RIF1: variants seen among roughly 807,000 people sequenced by gnomAD.
RIF1 encodes the protein telomere-associated protein RIF1.
In RIF1, 45 loss-of-function variants were observed where a neutral mutation model predicts 247.1. The ratio of observed to expected loss-of-function variants is 0.18; its 90% CI spans 0.14 to 0.23. The LOEUF is 0.23. Among genes scored for constraint, RIF1 ranks in the 10% least tolerant of loss-of-function variants. The pLI is 1.00. For missense variants in RIF1, 2,967 were observed against 2,862.5 expected, an observed-to-expected ratio of 1.04 and a Z score of -0.83; for synonymous variants, 1,087 against 978.8, an observed-to-expected ratio of 1.11 and a Z score of -2.06.
Position 151,410,468 on chromosome 2 carries a change from T to C in RIF1, c.45T>C (p.Thr15=). 6.2e-7 allele frequency: 1 copy of C among 1,614,084 alleles called. No individual in the cohort carries two copies. The highest frequency in any genetic ancestry group is 1.1e-5 in the South Asian group (1 of 91,036). ...GCCCCCTCGCGCCGCTGTTGGAGAC[T>C]TTGGAAGACCCTTCTGCCTCCCATG... ...GQSPLAPLLE[T]LEDPSASHGG... The change falls in exon 2 of 36, where the codon ACT becomes ACC. Residue 15 remains threonine (T), a synonymous_variant. Coordinates refer to ENST00000444746, the MANE Select transcript of RIF1 (RefSeq NM_018151.5).
chr2:151,418,624 C>G (rs1313678174), intron 6 of RIF1, among the ~76,000 whole-genome samples: 2 of 151,468 alleles, frequency 1.3e-5, no homozygotes, highest in African/African-American at 2.4e-5. Flanking sequence ...CCTGTAATCC[C>G]AGAACTTTGG....
At chr2:151,508,628 T>G (rs116645787), downstream of RIF1, among the ~76,000 whole-genome samples, 2,592 of 152,296 alleles carry the variant, frequency 0.017, 105 homozygotes, top group East Asian at 0.14. Flanking sequence ...GAGCCGGCAG[T>G]CAGACAGGCA....
intron 7 of RIF1, among the ~76,000 whole-genome samples, chr2:151,422,093 G>C (rs767966494): frequency 2.6e-5 from 4 of 152,054 alleles, no homozygotes; most frequent in Non-Finnish European, 5.9e-5. Context: ...GCCTCCCAAA[G>C]TGCTGAGATT....
intron 22 of RIF1, among the ~76,000 whole-genome samples, chr2:151,455,760 C>T (rs953721384): frequency 2.6e-5 from 4 of 152,072 alleles, no homozygotes; most frequent in Non-Finnish European, 5.9e-5. Flanking sequence ...GAGGGTGGTC[C>T]TGGAATTAGC....
At chr2:151,436,681 GC>G in intron 11 of RIF1, 145 bp from the exon 12 acceptor site, 1 of 570,144 alleles carries the variant, frequency 1.8e-6, no homozygotes, top group Non-Finnish European at 2.9e-6. Flanking sequence ...CAGAATACCT[GC>G]ATATTAATAT....
At chr2:151,491,449 AATG>A (rs1457027885) in intron 9 of RIF1, 26 of 365,358 alleles carry the variant, frequency 7.1e-5, no homozygotes, top group African/African-American at 4.7e-4. Flanking sequence ...AAAAATTAGA[AATG>A]ATAATAATGG....
Position 151,492,369 on chromosome 2 carries a change from A to G in RIF1, c.*416-2860A>G, listed in dbSNP as rs753372799. The G allele has an allele frequency of 1.3e-6, 2 of 1,593,224 alleles. No homozygotes were observed. The highest frequency in any genetic ancestry group is 1.7e-6 in the Non-Finnish European group (2 of 1,167,624). Reference sequence around the variant, plus strand: ...TTCTGACAGGCAGCCAGCCAATCCTAAAGAATTCCTGACTCACCGTTGAGA... The same window carrying G: ...TTCTGACAGGCAGCCAGCCAATCCTGAAGAATTCCTGACTCACCGTTGAGA... On this transcript the variant is annotated intron_variant and NMD_transcript_variant, in intron 9 of 13. Transcript: ENST00000454583.
chr2:151,418,163 C>A, intron 6 of RIF1, among the ~76,000 whole-genome samples: 1 of 152,162 alleles, frequency 6.6e-6, no homozygotes, highest in African/African-American at 2.4e-5. Flanking sequence ...TTAGGCTATA[C>A]TAAATCTATA....
At chr2:151,489,914 G>A (rs2054794331) in intron 9 of RIF1, 5 of 1,335,818 alleles carry the variant, frequency 3.7e-6, no homozygotes, top group Non-Finnish European at 5.4e-6. Flanking sequence ...TTATAATCAT[G>A]TTTGCACATA....
chr2:151,506,525 G>A (rs2069035373), intron 13 of RIF1: 1 of 447,806 alleles, frequency 2.2e-6, no homozygotes, highest in East Asian at 3.8e-5. Context: ...AGGAAATGTT[G>A]ATTAACAACA....
At chr2:151,485,983 A>G (rs917471345), downstream of RIF1, 4 of 1,560,778 alleles carry the variant, frequency 2.6e-6, no homozygotes, top group Non-Finnish European at 3.5e-6. Flanking sequence ...GATTTGCAAC[A>G]GTTAACACAC....
rs61748231 is a variant in RIF1 at position 151,464,378 on chromosome 2, G to A, written c.4858G>A (p.Glu1620Lys). Residue 1620 changes from glutamate to lysine, a missense_variant, in exon 30 of 36, where the codon GAA becomes AAA. This residue lies in a region of RIF1 where 2,028 missense variants were observed against 1,825.6 expected (regional missense o/e 1.11). Coordinates refer to ENST00000444746, the MANE Select transcript of RIF1 (RefSeq NM_018151.5). ...TGTAAGCATAAAATCTCCGATTTGC[G>A]AAAAACAAGATGAAAGTAATACTGT... Reference protein sequence around the residue: ...EDVSIKSPICEKQDESNTVIC... With the variant: ...EDVSIKSPICKKQDESNTVIC... The A allele has an allele frequency of 1.5e-3, 2,350 of 1,609,576 alleles. 24 individuals are homozygous for A. The East Asian group carries it at 0.03, about 20-fold the overall frequency.
the RIF1 span, among the ~76,000 whole-genome samples, chr2:151,521,353 A>G: frequency 3.4e-3 from 525 of 152,328 alleles, 3 homozygotes; most frequent in Middle Eastern, 0.027. Flanking sequence ...GTAAAGGAAA[A>G]AGAAACGTAA....
chr2:151,462,284 A>G lies in RIF1; in HGVS notation c.3270A>G (p.Gln1090=), dbSNP rs369863433. The change falls in exon 28 of 36, where the codon CAA becomes CAG. Residue 1090 remains glutamine (Q), a synonymous_variant. Transcript: ENST00000444746. ...TGTATAATAATCTGGATGTTTCCCA[A>G]GATACCTTATTTACTCAGTATAGTC... The part of the protein sequence containing the change: ...PAMYNNLDVS[Q]DTLFTQYSQE... 1.9e-6 allele frequency: 3 copies of G among 1,590,538 alleles called. No homozygotes were observed. The highest frequency in any genetic ancestry group is 1.3e-5 in the African/African-American group (1 of 74,760).
rs1461420873 is a variant in RIF1 at position 151,469,507 on chromosome 2, C to G, written c.6942-204C>G. 3.3e-5 allele frequency among the ~76,000 whole-genome samples: 5 copies of G among 152,110 alleles called. No homozygotes were observed. In the East Asian group the frequency reaches 9.6e-4, roughly 29 times the overall value. On this transcript the variant is annotated intron_variant, in intron 33 of 35. Transcript: ENST00000444746. ...GCACAAGGCACGCAGTGGGCTCATT[C>G]AGTTGCCAGTACTGTTGCTTATACC...
chr2:151,472,186 T>C (rs2048589731), intron 34 of RIF1, among the ~76,000 whole-genome samples: 2 of 152,316 alleles, frequency 1.3e-5, no homozygotes, highest in African/African-American at 4.8e-5. Flanking sequence ...GTTATTGATG[T>C]ATATGAATGC....
intron 9 of RIF1, among the ~76,000 whole-genome samples, chr2:151,429,318 T>C (rs543351180): frequency 6.6e-6 from 1 of 152,182 alleles, no homozygotes; most frequent in Non-Finnish European, 1.5e-5. Context: ...GTAGCTGGGA[T>C]TACAGGTGCC....
chr2:151,410,462 G>C lies in RIF1; in HGVS notation c.39G>C (p.Leu13Phe). ...ARGQSPLAPL[L>F]ETLEDPSASH... The stretch of plus-strand genomic sequence containing the variant: ...GTCAGAGCCCCCTCGCGCCGCTGTT[G>C]GAGACTTTGGAAGACCCTTCTGCCT... Residue 13 changes from leucine (L) to phenylalanine (F), a missense_variant, in exon 2 of 36, where the codon TTG (leucine) becomes TTC (phenylalanine). This residue lies in a region of RIF1 where 269 missense variants were observed against 288.6 expected (regional missense o/e 0.93). Transcript: ENST00000444746. The C allele has an allele frequency of 1.2e-6, 2 of 1,614,082 alleles. No individual in the cohort carries two copies. Among genetic ancestry groups the C allele is most frequent in the Non-Finnish European group, 1.7e-6 (2 of 1,180,020 alleles).
chr2:151,525,828 A>G, the RIF1 span: 9 of 782,640 alleles, frequency 1.1e-5, no homozygotes, highest in Middle Eastern at 1.4e-3. Context: ...AGAGTTTAAG[A>G]TTCACATGTA....
Sources: gnomAD v4.1 joint callset for allele counts (sites outside exome capture counted in the v4.1 genomes callset) on GRCh38, gnomAD v4.1.1 for gene constraint, gnomAD v4.1.1 regional missense constraint, MANE v1.5 for transcripts, NCBI Gene and HGNC (gene_info 2026-07-23, HGNC 2026-07-21) for gene names.